PTK2: variants seen among roughly 807,000 people sequenced by gnomAD.
PTK2 encodes protein tyrosine kinase 2.
A neutral mutation model predicts 150.1 loss-of-function variants in PTK2; 45 were observed. The observed-to-expected ratio is 0.30, with a 90% CI of 0.24 to 0.38. PTK2 has a LOEUF of 0.38. PTK2 is among the 10% of genes least tolerant of loss of function. The pLI is 1.00. For synonymous variants in PTK2, 432 were observed against 449.2 expected, an observed-to-expected ratio of 0.96 and a Z score of 0.48; for missense variants, 919 against 1,307.3, an observed-to-expected ratio of 0.70 and a Z score of 4.58.
chr8:140,942,232 T>C (rs747407263), intron 1 of PTK2, among the ~76,000 whole-genome samples: 1 of 152,190 alleles, frequency 6.6e-6, no homozygotes, highest in Admixed American at 6.5e-5. Context: ...TACCCTACCA[T>C]TATAGCTCAT....
chr8:140,666,594 C>T (rs1487638706), intron 30 of PTK2, among the ~76,000 whole-genome samples: 1 of 152,092 alleles, frequency 6.6e-6, no homozygotes, highest in Non-Finnish European at 1.5e-5. Flanking sequence ...CACAAAACCC[C>T]AAGCTTCAAA....
intron 5 of PTK2, among the ~76,000 whole-genome samples, chr8:140,860,723 C>T (rs1434218499): frequency 6.6e-6 from 1 of 152,200 alleles, no homozygotes; most frequent in African/African-American, 2.4e-5. Flanking sequence ...ATCCACCCGC[C>T]TCGGCCTCCC....
intron 8 of PTK2, chr8:140,820,928 C>G (rs114359243): frequency 4.6e-5 from 7 of 152,074 alleles, no homozygotes; most frequent in African/African-American, 1.7e-4. Context: ...TCAGGTACAC[C>G]GTAAACTAGG....
chr8:140,907,410 C>T (rs2100161386), intron 2 of PTK2, among the ~76,000 whole-genome samples: 1 of 152,144 alleles, frequency 6.6e-6, no homozygotes, highest in South Asian at 2.1e-4. Flanking sequence ...CATATCGGCG[C>T]TCAAAAAAGC....
At chr8:140,921,109 A>G in intron 2 of PTK2, 1 of 1,295,794 alleles carries the variant, frequency 7.7e-7, no homozygotes, top group Non-Finnish European at 9.8e-7. Context: ...TCTCAGTTAC[A>G]GAATCTTCTC....
intron 14 of PTK2, among the ~76,000 whole-genome samples, chr8:140,775,930 C>A (rs1020159715): frequency 6.6e-6 from 1 of 152,146 alleles, no homozygotes; most frequent in Non-Finnish European, 1.5e-5. Flanking sequence ...CGCCCCTGCA[C>A]CTAAACCACT....
chr8:140,710,351 C>A, intron 23 of PTK2, among the ~76,000 whole-genome samples: 1 of 129,698 alleles, frequency 7.7e-6, no homozygotes, highest in African/African-American at 2.9e-5. Context: ...AAAAAAAAAT[C>A]TGTATCTATA....
At chr8:140,974,093 A>G (rs1035810283) in intron 1 of PTK2, among the ~76,000 whole-genome samples, 1 of 152,212 alleles carries the variant, frequency 6.6e-6, no homozygotes, top group Non-Finnish European at 1.5e-5. Flanking sequence ...TCCCTAAATT[A>G]CATGTAATAA....
intron 31 of PTK2, chr8:140,663,173 G>A (rs374088375): frequency 1.3e-5 from 2 of 158,558 alleles, no homozygotes; most frequent in African/African-American, 4.8e-5. Context: ...TCTTAAAGGG[G>A]AAGAGGGCAT....
chr8:140,898,033 T>C (rs935828719), intron 2 of PTK2, among the ~76,000 whole-genome samples: 1 of 152,124 alleles, frequency 6.6e-6, no homozygotes, highest in Admixed American at 6.5e-5. Context: ...AAACTGTTTT[T>C]ACGTGGCTTA....
At chr8:140,702,643 G>T in exon 25 of PTK2, 1 of 1,614,012 alleles carries the variant, frequency 6.2e-7, no homozygotes, top group East Asian at 2.2e-5. Context: ...CAAAAGAGAT[G>T]CCTGACCTGG....
chr8:140,980,083 G>A (rs2100190840), intron 1 of PTK2, among the ~76,000 whole-genome samples: 1 of 152,166 alleles, frequency 6.6e-6, no homozygotes, highest in African/African-American at 2.4e-5. Flanking sequence ...CACACTCCTA[G>A]ATACATAGGC....
chr8:140,753,120 C>T (rs1424668810), intron 16 of PTK2, among the ~76,000 whole-genome samples: 1 of 152,126 alleles, frequency 6.6e-6, no homozygotes, highest in Non-Finnish European at 1.5e-5. Flanking sequence ...TGCAGAGAGG[C>T]AAGGTTAGAG....
intron 27 of PTK2, among the ~76,000 whole-genome samples, chr8:140,678,575 A>T (rs1359294560): frequency 2.0e-5 from 3 of 152,164 alleles, no homozygotes; most frequent in African/African-American, 7.2e-5. Flanking sequence ...GCTGGTTTCA[A>T]GCTCTTGAGC....
chr8:140,877,025 C>CTTTTTT (rs60000363), intron 4 of PTK2, among the ~76,000 whole-genome samples: 13 of 71,878 alleles, frequency 1.8e-4, no homozygotes, highest in Non-Finnish European at 2.2e-4. Context: ...TTCACTAATC[C>CTTTTTT]TTTTTTTTTT....
chr8:140,796,123 G>A (rs1390776044), intron 12 of PTK2, among the ~76,000 whole-genome samples: 1 of 152,164 alleles, frequency 6.6e-6, no homozygotes, highest in Non-Finnish European at 1.5e-5. Context: ...TCGGGAGACT[G>A]TCCGACCACT....
At chr8:140,870,086 C>T (rs541728601) in intron 4 of PTK2, among the ~76,000 whole-genome samples, 85 of 151,958 alleles carry the variant, frequency 5.6e-4, no homozygotes, top group Middle Eastern at 3.4e-3. Flanking sequence ...CAGAACATAC[C>T]TTCTTTTCAA....
chr8:140,984,203 T>C (rs1320564634), intron 1 of PTK2: 1 of 152,606 alleles, frequency 6.6e-6, no homozygotes, highest in East Asian at 1.9e-4. Flanking sequence ...TACATAATCA[T>C]GTAGTACAAT....
chr8:140,973,747 C>T (rs941531773), intron 1 of PTK2, among the ~76,000 whole-genome samples: 1 of 152,146 alleles, frequency 6.6e-6, no homozygotes, highest in Non-Finnish European at 1.5e-5. Flanking sequence ...AACTTGCCAC[C>T]TAAACTTTGC....
Sources: gnomAD v4.1 joint callset for allele counts (sites outside exome capture counted in the v4.1 genomes callset) on GRCh38, gnomAD v4.1.1 for gene constraint, MANE v1.5 for transcripts, NCBI Gene and HGNC (gene_info 2026-07-23, HGNC 2026-07-21) for gene names.